The following PIK3AP1 variants were observed in gnomAD, a reference collection of about 807,000 sequenced individuals.
PIK3AP1 encodes phosphoinositide-3-kinase adaptor protein 1.
A neutral mutation model predicts 88.1 loss-of-function variants in PIK3AP1; 21 were observed. The ratio of observed to expected loss-of-function variants is 0.24; its 90% confidence interval spans 0.17 to 0.34. The LOEUF is 0.34. PIK3AP1 is among the 10% of genes least tolerant of loss of function. The pLI is 1.00. For missense variants in PIK3AP1, 828 were observed against 1,035.7 expected, an observed-to-expected ratio of 0.80 and a Z score of 2.75; for synonymous variants, 398 against 400.0, an observed-to-expected ratio of 1.00 and a Z score of 0.06.
rs144070932 is a variant in PIK3AP1 at position 96,675,056 on chromosome 10, C to T, written c.431-18122G>A. Among the ~76,000 whole-genome samples the T allele has an allele frequency of 7.4e-3, 1,133 of 152,254 alleles. 6 individuals are homozygous for T. Among genetic ancestry groups the T allele is most frequent in the African/African-American group, 0.019 (810 of 41,548 alleles). On this transcript the variant is annotated intron_variant, in intron 2 of 16. Coordinates refer to ENST00000339364, the MANE Select transcript of PIK3AP1 (RefSeq NM_152309.3). The stretch of plus-strand genomic sequence containing the variant: ...TACAGGCATGTGTCACCACGCCCAG[C>T]TAATTGTTGTATTTTTAGCAGAGAT...
chr10:96,674,745 T>G (rs1384296390), intron 2 of PIK3AP1, among the ~76,000 whole-genome samples: 1 of 152,236 alleles, frequency 6.6e-6, no homozygotes, highest in African/African-American at 2.4e-5. Context: ...TAGTGTGGAA[T>G]CTGGAGAGAA....
intron 8 of PIK3AP1, among the ~76,000 whole-genome samples, chr10:96,641,294 T>C (rs1235736858): frequency 6.6e-6 from 1 of 152,130 alleles, no homozygotes; most frequent in Non-Finnish European, 1.5e-5. Flanking sequence ...GGATTCTCTT[T>C]GGAGAAGCAA....
At chr10:96,684,622 G>A (rs1179288572) in intron 2 of PIK3AP1, among the ~76,000 whole-genome samples, 2 of 152,182 alleles carry the variant, frequency 1.3e-5, no homozygotes, top group African/African-American at 4.8e-5. Context: ...GAACATCCCA[G>A]TGCCTTCAAA....
At chr10:96,714,894 A>G (rs1430697709) in intron 1 of PIK3AP1, among the ~76,000 whole-genome samples, 1 of 152,240 alleles carries the variant, frequency 6.6e-6, no homozygotes, top group African/African-American at 2.4e-5. Context: ...CAAATCTCCC[A>G]TGCATAACAA....
At chr10:96,716,309 A>G (rs1844502023) in intron 1 of PIK3AP1, among the ~76,000 whole-genome samples, 1 of 152,128 alleles carries the variant, frequency 6.6e-6, no homozygotes, top group Non-Finnish European at 1.5e-5. Context: ...ATAAATAAAT[A>G]AATGCACAAT....
intron 8 of PIK3AP1, among the ~76,000 whole-genome samples, chr10:96,638,465 C>T (rs1010852521): frequency 9.0e-5 from 7 of 77,946 alleles, no homozygotes; most frequent in African/African-American, 3.4e-4. Flanking sequence ...GACACACACA[C>T]ACACAGACAC....
intron 10 of PIK3AP1, 86 bp from the exon 11 acceptor site, chr10:96,623,623 C>T (rs1564959190): frequency 3.4e-6 from 4 of 1,177,224 alleles, no homozygotes; most frequent in Non-Finnish European, 4.9e-6. Flanking sequence ...TACCTAGGAC[C>T]ACCGTATGTG....
chr10:96,597,523 G>T (rs918569376), intron 16 of PIK3AP1, among the ~76,000 whole-genome samples: 1 of 152,070 alleles, frequency 6.6e-6, no homozygotes, highest in Admixed American at 6.6e-5. Context: ...CAAAAAATCA[G>T]TAAACTCTAC....
At chr10:96,612,411 A>G (rs1849129730) in intron 13 of PIK3AP1, among the ~76,000 whole-genome samples, 1 of 152,190 alleles carries the variant, frequency 6.6e-6, no homozygotes, top group Non-Finnish European at 1.5e-5. Flanking sequence ...CAAATTAAAG[A>G]TTACTATTTT....
At position 96,709,770 on chromosome 10, in the gene PIK3AP1, A is replaced by T; in HGVS notation, c.227T>A (p.Val76Glu). 1 of 1,613,808 alleles carries T rather than the reference A, an allele frequency of 6.2e-7. No individual in the cohort carries two copies. Among genetic ancestry groups the T allele is most frequent in the Non-Finnish European group, 8.5e-7 (1 of 1,179,814 alleles). Residue 76 changes from valine (V) to glutamate (E), a missense_variant, in exon 2 of 17, where the codon GTG becomes GAG. Val to Glu is a moderately radical substitution (Grantham distance 121). Around this residue, in one of 3 missense-constraint regions of PIK3AP1, gnomAD observed 610 missense variants for 760.1 expected, o/e 0.80. Coordinates refer to ENST00000339364, the MANE Select transcript of PIK3AP1 (RefSeq NM_152309.3). ...CVVVLLSAEL[V>E]QHFHKPALLP... The stretch of plus-strand genomic sequence containing the variant: ...CAAGGCGGGCTTGTGGAAGTGCTGC[A>T]CCAGCTCCGCGGACAGCAGCACCAC...
intron 1 of PIK3AP1, among the ~76,000 whole-genome samples, chr10:96,719,082 T>C (rs536331415): frequency 6.6e-6 from 1 of 152,190 alleles, no homozygotes; most frequent in Non-Finnish European, 1.5e-5. Flanking sequence ...ATTTTCCTTA[T>C]TAAGTGTATA....
intron 10 of PIK3AP1, 136 bp from the exon 11 acceptor site, chr10:96,623,673 G>C (rs41291640): frequency 0.018 from 12,857 of 702,286 alleles, 221 homozygotes; most frequent in Middle Eastern, 0.071. Flanking sequence ...CAATTAATGA[G>C]AAGGACTAGG....
At chr10:96,622,083 A>T (rs1016143927) in intron 11 of PIK3AP1, among the ~76,000 whole-genome samples, 1 of 152,228 alleles carries the variant, frequency 6.6e-6, no homozygotes, top group African/African-American at 2.4e-5. Context: ...TCTAAGCAGC[A>T]TGAGGCACAG....
chr10:96,624,129 T>C (rs1843123623), intron 10 of PIK3AP1, among the ~76,000 whole-genome samples: 1 of 152,212 alleles, frequency 6.6e-6, no homozygotes, highest in South Asian at 2.1e-4. Context: ...CATATGATCT[T>C]GGACAAGTGG....
intron 1 of PIK3AP1, among the ~76,000 whole-genome samples, chr10:96,712,261 A>G (rs1277446705): frequency 6.6e-6 from 1 of 152,186 alleles, no homozygotes; most frequent in East Asian, 1.9e-4. Flanking sequence ...GACAAACAGT[A>G]TGGAACTGGC....
In PIK3AP1 at chr10:96,656,778, A is replaced by G. The variant is rs1468569058; in HGVS notation, c.567+20T>C. The G allele has an allele frequency of 8.7e-6, 14 of 1,612,104 alleles. No homozygotes were observed. The East Asian group carries it at 3.1e-4, about 36-fold the overall frequency. On this transcript the variant is annotated intron_variant, in intron 3 of 16. Coordinates refer to ENST00000339364, the MANE Select transcript of PIK3AP1 (RefSeq NM_152309.3). ...GCCCAAGTGCTGACATCCAGCTACC[A>G]GGCCCCCAGCAGTGCCTACCCCACA...
At chr10:96,684,139 A>T (rs1400012929) in intron 2 of PIK3AP1, among the ~76,000 whole-genome samples, 2 of 152,228 alleles carry the variant, frequency 1.3e-5, no homozygotes, top group Admixed American at 6.5e-5. Context: ...TACTCCTAAC[A>T]GTTAGGCATT....
intron 8 of PIK3AP1, among the ~76,000 whole-genome samples, chr10:96,629,909 CAA>C (rs66669261): frequency 2.6e-3 from 14 of 5,410 alleles, no homozygotes; most frequent in Non-Finnish European, 4.9e-3. Flanking sequence ...CAACAACAAC[CAA>C]AAAAAAAAAA....
chr10:96,662,119 T>G (rs7076701), intron 2 of PIK3AP1, among the ~76,000 whole-genome samples: 39,276 of 151,948 alleles, frequency 0.26, 5,219 homozygotes, highest in East Asian at 0.42. Context: ...AAAACTAAAA[T>G]CAAAATGCTG....
Sources: gnomAD v4.1 joint callset for allele counts (sites outside exome capture counted in the v4.1 genomes callset) on GRCh38, gnomAD v4.1.1 for gene constraint, gnomAD v4.1.1 regional missense constraint, MANE v1.5 for transcripts, NCBI Gene and HGNC (gene_info 2026-07-23, HGNC 2026-07-21) for gene names.